Variants in SNX3 observed in about 807,000 individuals in gnomAD.
SNX3 encodes sorting nexin-3.
SNX3 carries 5 observed loss-of-function variants against 17.7 expected under a neutral mutation model. The observed-to-expected ratio is 0.28, with a 90% CI of 0.15 to 0.59. SNX3 has a LOEUF of 0.59. SNX3 is among the 20% of genes least tolerant of loss of function. The pLI is 0.88. For missense variants in SNX3, 132 were observed against 206.8 expected, an observed-to-expected ratio of 0.64 and a Z score of 2.22; for synonymous variants, 91 against 76.5, an observed-to-expected ratio of 1.19 and a Z score of -0.99.
chr6:108,248,538 A>G (rs1441253888), intron 1 of SNX3, among the ~76,000 whole-genome samples: 1 of 152,230 alleles, frequency 6.6e-6, no homozygotes, highest in Non-Finnish European at 1.5e-5. Flanking sequence ...GTTAGAAAAA[A>G]ACAATTGATC....
intron 1 of SNX3, among the ~76,000 whole-genome samples, chr6:108,243,848 G>C (rs528855575): frequency 6.6e-6 from 1 of 152,162 alleles, no homozygotes; most frequent in Admixed American, 6.5e-5. Flanking sequence ...CACAAGAATC[G>C]CATGAACCTG....
chr6:108,253,212 T>C (rs1040477939), intron 1 of SNX3, among the ~76,000 whole-genome samples: 1 of 152,122 alleles, frequency 6.6e-6, no homozygotes, highest in African/African-American at 2.4e-5. Flanking sequence ...CCTTTACAGG[T>C]ATAAAGTGAC....
intron 1 of SNX3, among the ~76,000 whole-genome samples, chr6:108,237,469 T>C (rs1775385815): frequency 6.6e-6 from 1 of 152,052 alleles, no homozygotes; most frequent in Middle Eastern, 3.2e-3. Context: ...TGCTAATAAG[T>C]GTACAACATA....
At chr6:108,252,775 G>T (rs1341230046) in intron 1 of SNX3, among the ~76,000 whole-genome samples, 5 of 152,008 alleles carry the variant, frequency 3.3e-5, no homozygotes, top group Non-Finnish European at 1.5e-5. Flanking sequence ...GAGTAGCTGG[G>T]ATTATAGGCA....
intron 1 of SNX3, among the ~76,000 whole-genome samples, chr6:108,223,559 G>A (rs1774881904): frequency 8.3e-6 from 1 of 120,464 alleles, no homozygotes; most frequent in South Asian, 2.9e-4. Context: ...AGGCAGTGAT[G>A]TGATCTTGGC....
chr6:108,242,172 A>G (rs1775540281), intron 1 of SNX3, among the ~76,000 whole-genome samples: 1 of 152,200 alleles, frequency 6.6e-6, no homozygotes, highest in East Asian at 1.9e-4. Flanking sequence ...AAAAAATAAG[A>G]ATGAACAGAG....
intron 1 of SNX3, among the ~76,000 whole-genome samples, chr6:108,228,441 C>T (rs6921947): frequency 1.0e-3 from 159 of 152,060 alleles, no homozygotes; most frequent in African/African-American, 3.6e-3. Flanking sequence ...CCCAGCTACT[C>T]GGGATGCTGA....
chr6:108,252,087 C>CAAAAAAAAAAAAAAAAAAAAA (rs777979859), intron 1 of SNX3: 1 of 129,112 alleles, frequency 7.7e-6, no homozygotes, highest in African/African-American at 3.0e-5. Flanking sequence ...ATAAATAAAA[C>CAAAAAAAAAAAAAAAAAAAAA]AAACAAACAA....
chr6:108,221,340 A>G (rs1386903788), intron 2 of SNX3, among the ~76,000 whole-genome samples: 1 of 151,132 alleles, frequency 6.6e-6, no homozygotes, highest in Admixed American at 6.6e-5. Flanking sequence ...CCTTCTCTTC[A>G]ACAACCCCCT....
chr6:108,243,131 T>C (rs1314565594), intron 1 of SNX3, among the ~76,000 whole-genome samples: 2 of 152,210 alleles, frequency 1.3e-5, no homozygotes, highest in East Asian at 1.9e-4. Flanking sequence ...GTCTTGCTTA[T>C]TTCCCAGGCT....
chr6:108,242,796 G>A (rs1185698282), intron 1 of SNX3, among the ~76,000 whole-genome samples: 1 of 152,130 alleles, frequency 6.6e-6, no homozygotes, highest in African/African-American at 2.4e-5. Context: ...CCCTTAAAAG[G>A]GGGCTTTAGT....
At chr6:108,231,344 C>G (rs1020061781) in intron 1 of SNX3, among the ~76,000 whole-genome samples, 1 of 152,188 alleles carries the variant, frequency 6.6e-6, no homozygotes, top group Non-Finnish European at 1.5e-5. Context: ...CTCAACCTCC[C>G]AAAGTGCTGA....
At chr6:108,237,552 G>C (rs553967267) in intron 1 of SNX3, among the ~76,000 whole-genome samples, 1 of 152,124 alleles carries the variant, frequency 6.6e-6, no homozygotes, top group Non-Finnish European at 1.5e-5. Flanking sequence ...TTGGGAGGCC[G>C]AGGCAGGCGG....
At chr6:108,236,459 C>T (rs1267655502) in intron 1 of SNX3, among the ~76,000 whole-genome samples, 5 of 148,516 alleles carry the variant, frequency 3.4e-5, no homozygotes, top group Non-Finnish European at 6.0e-5. Context: ...TCTCGGCTCA[C>T]TGCAAGCTCC....
At chr6:108,235,602 T>C (rs1044227467) in intron 1 of SNX3, among the ~76,000 whole-genome samples, 10 of 152,116 alleles carry the variant, frequency 6.6e-5, no homozygotes, top group Non-Finnish European at 1.2e-4. Context: ...AACTCAAAAG[T>C]ACATAGACTT....
chr6:108,221,844 C>A (rs995960937), intron 2 of SNX3, among the ~76,000 whole-genome samples: 4 of 152,048 alleles, frequency 2.6e-5, no homozygotes, highest in Non-Finnish European at 5.9e-5. Flanking sequence ...TGCACCTGGC[C>A]CCTCTTTATT....
intron 1 of SNX3, among the ~76,000 whole-genome samples, chr6:108,260,203 A>G (rs915784475): frequency 3.3e-5 from 5 of 152,148 alleles, no homozygotes; most frequent in Non-Finnish European, 7.3e-5. Flanking sequence ...ACCATGTCCA[A>G]TCACCCTTCT....
intron 1 of SNX3, among the ~76,000 whole-genome samples, chr6:108,259,601 TCTTA>T (rs1776128865): frequency 6.6e-6 from 1 of 152,242 alleles, no homozygotes; most frequent in Non-Finnish European, 1.5e-5. Flanking sequence ...TCGTTTCATA[TCTTA>T]AAGTTTGATT....
chr6:108,252,555 T>C (rs1289395704), intron 1 of SNX3: 1 of 152,192 alleles, frequency 6.6e-6, no homozygotes, highest in Non-Finnish European at 1.5e-5. Context: ...TGACCCTTGA[T>C]CCCATTCCTA....
Sources: gnomAD v4.1 joint callset for allele counts (sites outside exome capture counted in the v4.1 genomes callset) on GRCh38, gnomAD v4.1.1 for gene constraint, MANE v1.5 for transcripts, NCBI Gene and HGNC (gene_info 2026-07-23, HGNC 2026-07-21) for gene names.